ADGRL3: variants seen among roughly 807,000 people sequenced by gnomAD.
ADGRL3 encodes the protein calcium-independent alpha-latrotoxin receptor 3.
Under a neutral mutation model 153.5 loss-of-function variants are expected in ADGRL3, and 62 were observed. The ratio of observed to expected loss-of-function variants is 0.40; its 90% confidence interval spans 0.33 to 0.50. ADGRL3 has a LOEUF of 0.50. Ranked by LOEUF, ADGRL3 falls within the 20% of genes least tolerant of loss-of-function variation. The pLI is 0.47. For missense variants in ADGRL3, 1,641 were observed against 1,859.4 expected, an observed-to-expected ratio of 0.88 and a Z score of 2.16; for synonymous variants, 710 against 672.5, an observed-to-expected ratio of 1.06 and a Z score of -0.86.
intron 4 of ADGRL3, among the ~76,000 whole-genome samples, chr4:61,547,671 T>C (rs2098720304): frequency 6.6e-6 from 1 of 152,156 alleles, no homozygotes. Flanking sequence ...GTATTTAGGT[T>C]GATTCCATAT....
chr4:61,582,359 C>T (rs58484072), intron 4 of ADGRL3, among the ~76,000 whole-genome samples: 1 of 152,028 alleles, frequency 6.6e-6, no homozygotes, highest in East Asian at 1.9e-4. Context: ...TGCCTCCAGG[C>T]CCCAGTATGT....
chr4:61,265,012 A>G (rs567805995), intron 1 of ADGRL3, among the ~76,000 whole-genome samples: 1 of 152,046 alleles, frequency 6.6e-6, no homozygotes, highest in Admixed American at 6.6e-5. Context: ...GTAAGAGGCA[A>G]GAGAGCATTC....
intron 1 of ADGRL3, among the ~76,000 whole-genome samples, chr4:61,313,066 C>G (rs1372953889): frequency 1.3e-5 from 2 of 151,832 alleles, no homozygotes; most frequent in Non-Finnish European, 2.9e-5. Context: ...TATGAAACCA[C>G]AAAAAAAGAC....
Position 61,625,516 on chromosome 4 carries a change from C to T in ADGRL3, c.473+38076C>T, listed in dbSNP as rs193038006. On this transcript the variant is annotated intron_variant, in intron 5 of 26. Transcript: ENST00000683033. ...TATATATCAGCACATACATTCGTTACGTTGCTAATTTATAATTTCTCTCTA... is the reference window on the plus strand; with the variant it reads ...TATATATCAGCACATACATTCGTTATGTTGCTAATTTATAATTTCTCTCTA... Among the ~76,000 whole-genome samples the T allele has an allele frequency of 3.7e-4, 57 of 152,042 alleles. No individual in the cohort carries two copies. In the East Asian group the frequency reaches 8.7e-3, roughly 23 times the overall value.
At chr4:62,019,859 C>T (rs764947179) in intron 21 of ADGRL3, among the ~76,000 whole-genome samples, 1 of 152,018 alleles carries the variant, frequency 6.6e-6, no homozygotes, top group African/African-American at 2.4e-5. Context: ...TAAGAACTAT[C>T]GAATATTCTT....
chr4:61,980,267 G>A (rs1466815062), intron 18 of ADGRL3, among the ~76,000 whole-genome samples: 1 of 117,630 alleles, frequency 8.5e-6, no homozygotes, highest in East Asian at 2.4e-4. Flanking sequence ...TGCTTCCTCT[G>A]TTTATCCCCC....
intron 2 of ADGRL3, among the ~76,000 whole-genome samples, chr4:61,387,526 A>T (rs2096752464): frequency 6.6e-6 from 1 of 152,016 alleles, no homozygotes; most frequent in Non-Finnish European, 1.5e-5. Flanking sequence ...CAGTTTAGAG[A>T]CCCACCCCCA....
chr4:61,227,447 G>T (rs1748505757), intron 1 of ADGRL3, among the ~76,000 whole-genome samples: 2 of 152,086 alleles, frequency 1.3e-5, no homozygotes, highest in Admixed American at 6.6e-5. Flanking sequence ...GGACTCAAGC[G>T]ATCCTTCCTC....
chr4:61,600,714 T>G (rs2099008059), intron 5 of ADGRL3, among the ~76,000 whole-genome samples: 1 of 152,220 alleles, frequency 6.6e-6, no homozygotes, highest in Non-Finnish European at 1.5e-5. Flanking sequence ...AGAGGTGTCA[T>G]TCCCGATTTT....
chr4:61,325,576 A>G (rs866896456), intron 1 of ADGRL3, among the ~76,000 whole-genome samples: 2 of 152,176 alleles, frequency 1.3e-5, no homozygotes, highest in African/African-American at 4.8e-5. Flanking sequence ...CTTACTGAGC[A>G]TGTCCTATAA....
intron 2 of ADGRL3, among the ~76,000 whole-genome samples, chr4:61,404,876 T>C (rs2096974417): frequency 6.6e-6 from 1 of 152,084 alleles, no homozygotes; most frequent in South Asian, 2.1e-4. Context: ...TGTTTTACTG[T>C]ATTACTAGTA....
chr4:61,283,477 T>C (rs2093804756), intron 1 of ADGRL3, among the ~76,000 whole-genome samples: 1 of 151,982 alleles, frequency 6.6e-6, no homozygotes, highest in Non-Finnish European at 1.5e-5. Flanking sequence ...AGCTGCTTCA[T>C]ATGCTGATGA....
At chr4:61,869,622 AC>A (rs2098424453) in intron 9 of ADGRL3, among the ~76,000 whole-genome samples, 1 of 151,292 alleles carries the variant, frequency 6.6e-6, no homozygotes, top group Non-Finnish European at 1.5e-5. Context: ...GAAAAACAAA[AC>A]AAAACAAAAA....
chr4:61,598,185 C>T (rs1211957357), intron 5 of ADGRL3, among the ~76,000 whole-genome samples: 3 of 151,804 alleles, frequency 2.0e-5, no homozygotes, highest in African/African-American at 7.3e-5. Context: ...ACTATAACAA[C>T]AAACATATGT....
chr4:61,911,441 A>G (rs1206777069), intron 12 of ADGRL3, among the ~76,000 whole-genome samples: 2 of 152,126 alleles, frequency 1.3e-5, no homozygotes, highest in Admixed American at 6.6e-5. Context: ...GGTTTGTCAT[A>G]TGTTAATTTG....
intron 2 of ADGRL3, among the ~76,000 whole-genome samples, chr4:61,474,879 C>T (rs1579065937): frequency 6.6e-6 from 1 of 152,170 alleles, no homozygotes; most frequent in South Asian, 2.1e-4. Context: ...TCATTTCCCC[C>T]ACAAGATTTT....
At chr4:61,773,257 G>C (rs1003433417) in intron 8 of ADGRL3, among the ~76,000 whole-genome samples, 2 of 152,140 alleles carry the variant, frequency 1.3e-5, no homozygotes, top group Non-Finnish European at 2.9e-5. Flanking sequence ...ATGAAACATA[G>C]AGAAAAGCAT....
chr4:61,239,029 C>T (rs1753903376), intron 1 of ADGRL3, among the ~76,000 whole-genome samples: 1 of 152,104 alleles, frequency 6.6e-6, no homozygotes, highest in Non-Finnish European at 1.5e-5. Flanking sequence ...TCCAGAAAGA[C>T]ATTTGTGTCT....
intron 1 of ADGRL3, among the ~76,000 whole-genome samples, chr4:61,371,878 T>C (rs1039646358): frequency 4.6e-5 from 7 of 152,194 alleles, no homozygotes; most frequent in African/African-American, 1.7e-4. Context: ...CAAGCAGATG[T>C]AGATTTGGTC....
Sources: gnomAD v4.1 joint callset for allele counts (sites outside exome capture counted in the v4.1 genomes callset) on GRCh38, gnomAD v4.1.1 for gene constraint, MANE v1.5 for transcripts, NCBI Gene and HGNC (gene_info 2026-07-23, HGNC 2026-07-21) for gene names.